Variants in ARHGAP35 observed in about 807,000 individuals in gnomAD.
ARHGAP35 encodes Rho GTPase activating protein 35.
A neutral mutation model predicts 111.1 loss-of-function variants in ARHGAP35; 15 were observed. The observed-to-expected ratio is 0.13, with a 90% CI of 0.09 to 0.21. The LOEUF (loss-of-function observed/expected upper bound fraction) is 0.21. ARHGAP35 is among the 10% of genes least tolerant of loss of function. The pLI is 1.00. For synonymous variants in ARHGAP35, 643 were observed against 710.3 expected (o/e 0.91, Z 1.51); for missense variants, 1,262 against 1,873.0 (o/e 0.67, Z 6.02).
In ARHGAP35 at chr19:46,929,588, A is replaced by G. The variant is rs1247168934; in HGVS notation, c.3681+7232A>G. Reference sequence around the variant, plus strand: ...CATTCCGTATATGGTGTTACCTGTTACTCTTTTTTTTTTTTTTTTTTTTTT... The same window carrying G: ...CATTCCGTATATGGTGTTACCTGTTGCTCTTTTTTTTTTTTTTTTTTTTTT... On this transcript the variant is annotated intron_variant, in intron 2 of 6. Transcript: ENST00000672722. Among the ~76,000 whole-genome samples the G allele has an allele frequency of 3.0e-5, 3 of 100,084 alleles. No homozygotes were observed. The East Asian group carries it at 9.2e-4, about 31-fold the overall frequency. 65.7% of individuals were successfully genotyped at this position (100,084 alleles called of 152,430 possible). A position where few individuals can be genotyped will look rare whatever the true frequency, so the allele number is the denominator to read the frequency against.
intron 1 of ARHGAP35, among the ~76,000 whole-genome samples, chr19:46,879,802 A>T (rs2055949862): frequency 7.0e-6 from 1 of 143,432 alleles, no homozygotes; most frequent in African/African-American, 2.6e-5. Context: ...AAAAAAAAAA[A>T]TCGCTGGGTG....
In ARHGAP35 at chr19:46,863,472, C is replaced by G. The variant is rs1599787155; in HGVS notation, c.-189+2263C>G. On this transcript the variant is annotated intron_variant, in intron 1 of 6. Transcript: ENST00000672722. ...TTTTCTTTCCTCTGCTGTTTGCTCTCTCCCTTCCTATCTCTGGGCTTTGCA... is the reference window on the plus strand; with the variant it reads ...TTTTCTTTCCTCTGCTGTTTGCTCTGTCCCTTCCTATCTCTGGGCTTTGCA... Among the ~76,000 whole-genome samples, 2 of 152,202 alleles carry G rather than the reference C, an allele frequency of 1.3e-5. 1 individual carries two copies. The highest frequency in any genetic ancestry group is 1.3e-4 in the Admixed American group (2 of 15,278).
At chr19:46,882,102 ATCT>A (rs2055965378) in intron 1 of ARHGAP35, among the ~76,000 whole-genome samples, 1 of 149,972 alleles carries the variant, frequency 6.7e-6, no homozygotes, top group Non-Finnish European at 1.5e-5. Context: ...GGCTGGTTTG[ATCT>A]TCTGTCTAGA....
intron 3 of ARHGAP35, among the ~76,000 whole-genome samples, chr19:46,940,000 G>C (rs988361276): frequency 4.0e-5 from 6 of 151,674 alleles, no homozygotes; most frequent in African/African-American, 1.5e-4. Flanking sequence ...ACTTTGGGAG[G>C]CCGAGGCAAG....
At chr19:46,867,410 T>C (rs1427925262) in intron 1 of ARHGAP35, among the ~76,000 whole-genome samples, 2 of 152,198 alleles carry the variant, frequency 1.3e-5, no homozygotes, top group Non-Finnish European at 2.9e-5. Flanking sequence ...ATTTGGACAA[T>C]TGAGAGGCGG....
intron 2 of ARHGAP35, among the ~76,000 whole-genome samples, chr19:46,928,384 C>T (rs1202815836): frequency 6.6e-6 from 1 of 152,156 alleles, no homozygotes; most frequent in African/African-American, 2.4e-5. Context: ...TCAGGAATCA[C>T]CTTTGCTTAT....
chr19:46,994,046 G>A lies in ARHGAP35; in HGVS notation c.4036+4371G>A, dbSNP rs556167250. Among the ~76,000 whole-genome samples, 1 of 152,192 alleles carries A rather than the reference G, an allele frequency of 6.6e-6. No individual in the cohort carries two copies. Among genetic ancestry groups the A allele is most frequent in the Non-Finnish European group, 1.5e-5 (1 of 68,034 alleles). On this transcript the variant is annotated intron_variant, in intron 5 of 6. Coordinates refer to ENST00000672722, the MANE Select transcript of ARHGAP35 (RefSeq NM_004491.5). The surrounding 1 kb of genome is among the most constrained non-coding windows in gnomAD (Gnocchi z 5.4). ...TCTGGGTCCTGAGGGGACTCTGAAG[G>A]GGGTGGAGGTTACACCAAAAGTCTG...
chr19:46,932,675 C>G (rs942740156), intron 2 of ARHGAP35, among the ~76,000 whole-genome samples: 1 of 152,142 alleles, frequency 6.6e-6, no homozygotes, highest in Non-Finnish European at 1.5e-5. Context: ...TGCAAGAGTT[C>G]CAATTTTGTG....
rs1387154728 is a variant in ARHGAP35 at position 46,908,275 on chromosome 19, T to TA, written c.-188-10209dup. Among the ~76,000 whole-genome samples, 1 of 152,238 alleles carries TA rather than the reference T, an allele frequency of 6.6e-6. No individual in the cohort carries two copies. The highest frequency in any genetic ancestry group is 1.9e-4 in the East Asian group (1 of 5,206). Reference sequence around the variant, plus strand: ...TTACTTACCCTTTTGAAAATCAATGTAAAATTGGTCTTAATGCCAGGAAAT... The same window carrying TA: ...TTACTTACCCTTTTGAAAATCAATGTAAAAATTGGTCTTAATGCCAGGAAAT... On this transcript the variant is annotated intron_variant, in intron 1 of 6. Coordinates refer to ENST00000672722, the MANE Select transcript of ARHGAP35 (RefSeq NM_004491.5). The surrounding 1 kb of genome is among the most constrained non-coding windows in gnomAD (Gnocchi z 4.2).
chr19:46,974,861 G>A (rs1053607847), intron 3 of ARHGAP35, among the ~76,000 whole-genome samples: 3 of 152,144 alleles, frequency 2.0e-5, no homozygotes, highest in Admixed American at 2.0e-4. Context: ...ATGAAACTCA[G>A]GTTTGGTTGG....
chr19:47,002,161 G>A lies in ARHGAP35; in HGVS notation c.*1473G>A, dbSNP rs984016289. On this transcript the variant is annotated 3_prime_UTR_variant, in exon 7 of 7. Coordinates refer to ENST00000672722, the MANE Select transcript of ARHGAP35 (RefSeq NM_004491.5). ...AGGCACCCCCCAGGCGAGAGCTAGT[G>A]GGGTGCAGAGGGCCCCATGCCAGAC... 2 of 152,800 alleles carry A rather than the reference G, an allele frequency of 1.3e-5. No homozygotes were observed. The highest frequency in any genetic ancestry group is 4.8e-5 in the African/African-American group (2 of 41,474). 9.5% of individuals were successfully genotyped at this position (152,800 alleles called of 1,614,324 possible). A position where few individuals can be genotyped will look rare whatever the true frequency, so the allele number is the denominator to read the frequency against.
chr19:46,910,778 A>T (rs2011534427), intron 1 of ARHGAP35, among the ~76,000 whole-genome samples: 1 of 151,144 alleles, frequency 6.6e-6, no homozygotes, highest in Non-Finnish European at 1.5e-5. Flanking sequence ...TTTTGTAGAG[A>T]AAGGGTTTTA....
At chr19:46,947,807 C>T (rs528765970) in intron 3 of ARHGAP35, 1 of 152,352 alleles carries the variant, frequency 6.6e-6, no homozygotes, top group African/African-American at 2.4e-5. Context: ...CTGGGGTTCC[C>T]ATGACCCCCT....
At chr19:46,880,521 G>T (rs889392432) in intron 1 of ARHGAP35, among the ~76,000 whole-genome samples, 4 of 152,154 alleles carry the variant, frequency 2.6e-5, no homozygotes, top group Non-Finnish European at 5.9e-5. Context: ...TCTAATTGTA[G>T]TTCACTTTCC....
At chr19:46,889,291 C>T (rs1465283759) in intron 1 of ARHGAP35, among the ~76,000 whole-genome samples, 2 of 151,960 alleles carry the variant, frequency 1.3e-5, no homozygotes, top group Non-Finnish European at 2.9e-5. Context: ...TGGTGAAACC[C>T]TGTCTCTACT....
rs1237353771 is a variant in ARHGAP35, at chr19:46,999,065, C to G, written c.4037-239C>G. 3 of 525,996 alleles carry G rather than the reference C, an allele frequency of 5.7e-6. No individual in the cohort carries two copies. The highest frequency in any genetic ancestry group is 5.7e-5 in the African/African-American group (3 of 52,800). 32.6% of individuals were successfully genotyped at this position (525,996 alleles called of 1,614,324 possible). ...TCTTGGGTGGTGGGGGCCAGGAAGC[C>G]CCAGGCACACAGTGCCGCCCTTCAG... On this transcript the variant is annotated intron_variant, in intron 5 of 6. Transcript: ENST00000672722. The surrounding 1 kb of genome is among the most constrained non-coding windows in gnomAD (Gnocchi z 5.4).
intron 1 of ARHGAP35, among the ~76,000 whole-genome samples, chr19:46,888,714 C>T (rs2056008503): frequency 1.3e-5 from 2 of 151,884 alleles, no homozygotes; most frequent in African/African-American, 4.8e-5. Flanking sequence ...TGTTCTTTGG[C>T]CGGGTGTGGT....
chr19:46,866,297 G>A (rs986281706), intron 1 of ARHGAP35, among the ~76,000 whole-genome samples: 8 of 152,166 alleles, frequency 5.3e-5, no homozygotes, highest in Admixed American at 1.3e-4. Flanking sequence ...CTCCTTTGAC[G>A]CCTTGCGTTC....
intron 1 of ARHGAP35, among the ~76,000 whole-genome samples, chr19:46,891,571 C>T (rs536797133): frequency 6.6e-6 from 1 of 151,988 alleles, no homozygotes; most frequent in South Asian, 2.1e-4. Flanking sequence ...GGACTACAGG[C>T]TAGCACCACC....
Sources: allele counts gnomAD v4.1 joint callset (sites outside exome capture counted in the v4.1 genomes callset), GRCh38; gene constraint gnomAD v4.1.1; non-coding constraint Gnocchi (gnomAD v3.1); transcripts MANE v1.5; gene names NCBI Gene and HGNC (gene_info 2026-07-23, HGNC 2026-07-21).